IP6K3: variants seen among roughly 807,000 people sequenced by gnomAD.
IP6K3 encodes the protein inositol hexakisphosphate kinase 3.
Under a neutral mutation model 28.8 loss-of-function variants are expected in IP6K3, and 20 were observed. The observed-to-expected ratio is 0.70, with a 90% confidence interval of 0.49 to 1.01. IP6K3 has a LOEUF of 1.01. Ranked by LOEUF, IP6K3 falls within the 50% of genes least tolerant of loss-of-function variation. IP6K3 has a pLI of 0.00. For missense variants in IP6K3, 480 were observed against 537.1 expected (o/e 0.89, Z 1.05); for synonymous variants, 213 against 221.3 (o/e 0.96, Z 0.33).
At chr6:33,745,099 A>T (rs1301842072) in intron 1 of IP6K3, among the ~76,000 whole-genome samples, 1 of 152,248 alleles carries the variant, frequency 6.6e-6, no homozygotes, top group East Asian at 1.9e-4. Context: ...GCGGGCCAGC[A>T]CGCGCTGCCA....
chr6:33,737,289 G>A (rs4713672), intron 1 of IP6K3, among the ~76,000 whole-genome samples: 64,062 of 151,956 alleles, frequency 0.42, 15,831 homozygotes, highest in East Asian at 0.86. Flanking sequence ...TGCCCTGTTC[G>A]TCCTGTCCTG....
At chr6:33,724,357 A>G (rs1041144693) in intron 5 of IP6K3, among the ~76,000 whole-genome samples, 1 of 152,212 alleles carries the variant, frequency 6.6e-6, no homozygotes, top group Non-Finnish European at 1.5e-5. Context: ...TTATAGACTC[A>G]ACTTCCAGCT....
At chr6:33,739,064 A>T (rs1355178523) in intron 1 of IP6K3, 1 of 152,196 alleles carries the variant, frequency 6.6e-6, no homozygotes, top group Non-Finnish European at 1.5e-5. Flanking sequence ...TGTCATTCCC[A>T]GCAGGGAACT....
At chr6:33,757,748 A>C in the IP6K3 span, among the ~76,000 whole-genome samples, 2 of 152,216 alleles carry the variant, frequency 1.3e-5, no homozygotes, top group Non-Finnish European at 2.9e-5. Context: ...CTGCAAGGAC[A>C]GGGAGAATAA....
At chr6:33,737,223 G>A (rs1032617130) in intron 1 of IP6K3, among the ~76,000 whole-genome samples, 16 of 152,172 alleles carry the variant, frequency 1.1e-4, no homozygotes, top group African/African-American at 2.7e-4. Flanking sequence ...CCCTAAAGAC[G>A]TCCTGACTTT....
chr6:33,745,915 C>G (rs1394218416), intron 1 of IP6K3, among the ~76,000 whole-genome samples: 3 of 152,156 alleles, frequency 2.0e-5, no homozygotes, highest in Admixed American at 6.5e-5. Flanking sequence ...AGATCATTCC[C>G]TCTATTTGTA....
chr6:33,749,508 A>G (rs1766991449), upstream of IP6K3, among the ~76,000 whole-genome samples: 1 of 150,548 alleles, frequency 6.6e-6, no homozygotes, highest in South Asian at 2.1e-4. Context: ...ATCTTTCCAT[A>G]GCCATGTCTG....
At chr6:33,725,292 T>G in intron 5 of IP6K3, 149 bp downstream of exon 5, 1 of 661,756 alleles carries the variant, frequency 1.5e-6, no homozygotes, top group Non-Finnish European at 2.4e-6. Context: ...GGGTATGCAT[T>G]TCCTTGTTGG....
the IP6K3 span, among the ~76,000 whole-genome samples, chr6:33,759,510 G>A: frequency 1.3e-5 from 2 of 152,312 alleles, no homozygotes; most frequent in East Asian, 3.9e-4. Flanking sequence ...GTTTACAGGC[G>A]TGAGTCACTG....
intron 5 of IP6K3, among the ~76,000 whole-genome samples, chr6:33,724,989 C>T (rs1004112825): frequency 6.6e-6 from 1 of 152,112 alleles, no homozygotes; most frequent in Non-Finnish European, 1.5e-5. Context: ...CACCTGTAGT[C>T]CCAGCACTTT....
chr6:33,748,071 G>C (rs954802997), upstream of IP6K3, among the ~76,000 whole-genome samples: 7 of 152,100 alleles, frequency 4.6e-5, no homozygotes, highest in East Asian at 1.4e-3. Flanking sequence ...AAGTTCCCCT[G>C]GGCACTGGTG....
At chr6:33,760,289 G>T in the IP6K3 span, among the ~76,000 whole-genome samples, 1 of 152,220 alleles carries the variant, frequency 6.6e-6, no homozygotes, top group Admixed American at 6.5e-5. Context: ...TCCCCCATGG[G>T]TCATCCAGGC....
intron 2 of IP6K3, among the ~76,000 whole-genome samples, chr6:33,730,723 G>C (rs1205836348): frequency 6.6e-6 from 1 of 152,004 alleles, no homozygotes; most frequent in Non-Finnish European, 1.5e-5. Flanking sequence ...TAGGCTCGGA[G>C]AGATGGGATA....
intron 5 of IP6K3, among the ~76,000 whole-genome samples, chr6:33,723,459 C>T (rs187529671): frequency 3.3e-5 from 5 of 152,310 alleles, no homozygotes; most frequent in East Asian, 1.9e-4. Context: ...ACGAGGAAAA[C>T]GTTTGGATCT....
Position 33,723,069 on chromosome 6 carries a change from C to A in IP6K3, c.884G>T (p.Arg295Leu), listed in dbSNP as rs199514412. ...CAGGATGGGCTCCAGGAGCTCCCTC[C>A]GGAGGTGGCTTCCATTATGTAGGAA... The part of the protein sequence containing the change: ...YQFLHNGSHL[R>L]RELLEPILHQ... The change falls in exon 6 of 6, where the codon CGG becomes CTG. Residue 295 changes from arginine (R) to leucine (L), a missense_variant. By Grantham distance (102) the Arg-to-Leu change is moderately radical. Transcript: ENST00000293756. 1.3e-5 allele frequency: 21 copies of A among 1,614,034 alleles called. No homozygotes were observed. In the African/African-American group the frequency reaches 2.7e-4, roughly 21 times the overall value.
intron 2 of IP6K3, among the ~76,000 whole-genome samples, chr6:33,731,637 C>T (rs1766326177): frequency 1.3e-5 from 2 of 152,192 alleles, no homozygotes; most frequent in Admixed American, 6.5e-5. Flanking sequence ...TGTGGCTCAG[C>T]GCAGCCCTTC....
intron 3 of IP6K3, 72 bp downstream of exon 3, chr6:33,728,015 T>C: frequency 6.4e-7 from 1 of 1,557,878 alleles, no homozygotes; most frequent in Non-Finnish European, 8.6e-7. Context: ...TGGTTGGCCT[T>C]GGGCACAGGT....
At chr6:33,750,664 G>A (rs1490026131), upstream of IP6K3, among the ~76,000 whole-genome samples, 1 of 152,212 alleles carries the variant, frequency 6.6e-6, no homozygotes, top group African/African-American at 2.4e-5. The surrounding 1 kb of genome is among the most constrained non-coding windows in gnomAD (Gnocchi z 4.3). Context: ...GTACTTGTTT[G>A]GTGAATGAAT....
chr6:33,730,854 A>C (rs538820212), intron 2 of IP6K3, among the ~76,000 whole-genome samples: 1 of 152,158 alleles, frequency 6.6e-6, no homozygotes, highest in African/African-American at 2.4e-5. Flanking sequence ...TGTTTACCCC[A>C]AGTTTGCATT....
Sources: gnomAD v4.1 joint callset for allele counts (sites outside exome capture counted in the v4.1 genomes callset) on GRCh38, gnomAD v4.1.1 for gene constraint, Gnocchi (gnomAD v3.1) non-coding constraint, MANE v1.5 for transcripts, NCBI Gene and HGNC (gene_info 2026-07-23, HGNC 2026-07-21) for gene names.